GALNT17: variants seen among roughly 807,000 people sequenced by gnomAD.
GALNT17 encodes the protein polypeptide N-acetylgalactosaminyltransferase 17.
A neutral mutation model predicts 63.7 loss-of-function variants in GALNT17; 29 were observed. The ratio of observed to expected loss-of-function variants is 0.46; its 90% CI spans 0.34 to 0.62. The LOEUF (loss-of-function observed/expected upper bound fraction) is 0.62. Ranked by LOEUF, GALNT17 falls within the 20% of genes least tolerant of loss-of-function variation. The pLI is 0.01. For missense variants in GALNT17, 603 were observed against 799.6 expected (o/e 0.75, Z 2.97); for synonymous variants, 305 against 318.3 (o/e 0.96, Z 0.45).
At chr7:71,190,325 G>A (rs1788928648) in intron 1 of GALNT17, among the ~76,000 whole-genome samples, 1 of 152,166 alleles carries the variant, frequency 6.6e-6, no homozygotes, top group African/African-American at 2.4e-5. Flanking sequence ...ATGGCTTGGT[G>A]CTGTCTTCCT....
intron 7 of GALNT17, among the ~76,000 whole-genome samples, chr7:71,667,521 A>AGGACTCCCG (rs1487755400): frequency 6.6e-6 from 1 of 152,242 alleles, no homozygotes; most frequent in East Asian, 1.9e-4. Flanking sequence ...AACATGGATT[A>AGGACTCCCG]TTAAAATTTA....
chr7:71,406,842 A>G (rs959066508), intron 3 of GALNT17, among the ~76,000 whole-genome samples: 1 of 151,432 alleles, frequency 6.6e-6, no homozygotes, highest in African/African-American at 2.4e-5. Flanking sequence ...CTCCCACTTC[A>G]GCTTCCCAAG....
Position 71,708,771 on chromosome 7 carries a change from C to T in GALNT17, c.1501-1990C>T, listed in dbSNP as rs117572446. Reference sequence around the variant, plus strand: ...ATTTCCATCTTTATGTCCATGAGTACCCAATATTTAGCTCCCACTCACAAG... The same window carrying T: ...ATTTCCATCTTTATGTCCATGAGTATCCAATATTTAGCTCCCACTCACAAG... On this transcript the variant is annotated intron_variant, in intron 9 of 10. Coordinates refer to ENST00000333538, the MANE Select transcript of GALNT17 (RefSeq NM_022479.3). Among the ~76,000 whole-genome samples, 654 of 152,192 alleles carry T rather than the reference C, an allele frequency of 4.3e-3. 2 individuals carry two copies. The highest frequency in any genetic ancestry group is 0.03 in the East Asian group (154 of 5,168).
chr7:71,395,769 T>C (rs189465410), intron 3 of GALNT17, among the ~76,000 whole-genome samples: 235 of 152,340 alleles, frequency 1.5e-3, no homozygotes, highest in African/African-American at 5.3e-3. Flanking sequence ...CAATTGTTAC[T>C]TTTTTAAAAT....
chr7:71,454,193 C>G (rs945211637), intron 5 of GALNT17, among the ~76,000 whole-genome samples: 4 of 152,198 alleles, frequency 2.6e-5, no homozygotes, highest in African/African-American at 9.7e-5. Context: ...AGCAACCCAT[C>G]ACCTAGGTAT....
At chr7:71,142,077 C>T (rs1172971206) in intron 1 of GALNT17, among the ~76,000 whole-genome samples, 1 of 149,794 alleles carries the variant, frequency 6.7e-6, no homozygotes, top group African/African-American at 2.5e-5. Context: ...ACCATGTTGG[C>T]CAGCCCTGTC....
intron 1 of GALNT17, among the ~76,000 whole-genome samples, chr7:71,191,826 T>C (rs1788956459): frequency 6.6e-6 from 1 of 152,204 alleles, no homozygotes; most frequent in Non-Finnish European, 1.5e-5. Context: ...GGATATGTAT[T>C]ACTCAGGGTT....
chr7:71,342,962 A>G (rs1012764871), intron 2 of GALNT17, among the ~76,000 whole-genome samples: 4 of 152,238 alleles, frequency 2.6e-5, no homozygotes, highest in Non-Finnish European at 5.9e-5. Flanking sequence ...CTTGAATGAT[A>G]TGATCACATT....
At chr7:71,233,209 T>C (rs1789826315) in intron 1 of GALNT17, among the ~76,000 whole-genome samples, 1 of 152,112 alleles carries the variant, frequency 6.6e-6, no homozygotes, top group African/African-American at 2.4e-5. Flanking sequence ...GTGGAGTCTA[T>C]GAGTTATTGA....
At chr7:71,318,217 A>G (rs542230297) in intron 1 of GALNT17, among the ~76,000 whole-genome samples, 61 of 152,204 alleles carry the variant, frequency 4.0e-4, no homozygotes, top group Non-Finnish European at 6.0e-4. Context: ...TGAGTTTTCA[A>G]TCAGGCAGTG....
chr7:71,203,895 C>T (rs1355961835), intron 1 of GALNT17, among the ~76,000 whole-genome samples: 1 of 152,160 alleles, frequency 6.6e-6, no homozygotes, highest in Non-Finnish European at 1.5e-5. Flanking sequence ...TGATTGTTTA[C>T]TTTGCTGTAC....
At chr7:71,203,692 C>T (rs368846497) in intron 1 of GALNT17, among the ~76,000 whole-genome samples, 6 of 152,062 alleles carry the variant, frequency 3.9e-5, no homozygotes, top group Admixed American at 2.6e-4. Flanking sequence ...TGCTCAGATT[C>T]GAGGGAGGCC....
intron 5 of GALNT17, among the ~76,000 whole-genome samples, chr7:71,509,520 G>A (rs1324647324): frequency 6.6e-6 from 1 of 152,218 alleles, no homozygotes; most frequent in Non-Finnish European, 1.5e-5. Flanking sequence ...GACCAAGTGG[G>A]TATAATTATC....
intron 2 of GALNT17, among the ~76,000 whole-genome samples, chr7:71,347,928 G>A (rs1792124048): frequency 6.6e-6 from 1 of 152,108 alleles, no homozygotes; most frequent in Non-Finnish European, 1.5e-5. Context: ...CTCTTTTCAT[G>A]ATTTGATTTT....
rs115113484 is a variant in GALNT17, at chr7:71,614,934, C to A, written c.1080+43532C>A. Among the ~76,000 whole-genome samples the A allele has an allele frequency of 3.0e-3, 457 of 151,544 alleles. 4 individuals carry two copies. Among genetic ancestry groups the A allele is most frequent in the African/African-American group, 7.2e-3 (296 of 41,332 alleles). On this transcript the variant is annotated intron_variant, in intron 6 of 10. Coordinates refer to ENST00000333538, the MANE Select transcript of GALNT17 (RefSeq NM_022479.3). Reference sequence around the variant, plus strand: ...AAGGGAGGGAAATAAGCAAAAAAAACCACTTCTGGTCTCAAGCACTTCGAA... The same window carrying A: ...AAGGGAGGGAAATAAGCAAAAAAAAACACTTCTGGTCTCAAGCACTTCGAA...
intron 9 of GALNT17, among the ~76,000 whole-genome samples, chr7:71,700,193 A>T (rs1314857728): frequency 1.3e-5 from 2 of 152,028 alleles, no homozygotes; most frequent in African/African-American, 4.8e-5. Context: ...CTGTAGTCCC[A>T]GATACTCAGG....
At chr7:71,543,875 C>A (rs1203926926) in intron 5 of GALNT17, among the ~76,000 whole-genome samples, 1 of 151,546 alleles carries the variant, frequency 6.6e-6, no homozygotes, top group Non-Finnish European at 1.5e-5. Context: ...TCACTGCAGC[C>A]TCTGCCTCAC....
At chr7:71,665,925 C>T (rs962055118) in intron 7 of GALNT17, among the ~76,000 whole-genome samples, 7 of 152,026 alleles carry the variant, frequency 4.6e-5, no homozygotes, top group Non-Finnish European at 1.0e-4. Flanking sequence ...TCACAGCAGA[C>T]TCTTCATCCT....
chr7:71,463,408 G>A (rs1203598973), intron 5 of GALNT17, among the ~76,000 whole-genome samples: 1 of 152,144 alleles, frequency 6.6e-6, no homozygotes, highest in African/African-American at 2.4e-5. Flanking sequence ...GGGCCAGAGT[G>A]CAGCCTGATT....
Sources: allele counts gnomAD v4.1 joint callset (sites outside exome capture counted in the v4.1 genomes callset), GRCh38; gene constraint gnomAD v4.1.1; transcripts MANE v1.5; gene names NCBI Gene and HGNC (gene_info 2026-07-23, HGNC 2026-07-21).